PKD1: variants seen among roughly 807,000 people sequenced by gnomAD.
The protein encoded by PKD1 is polycystin 1, transient receptor potential channel interacting.
Under a neutral mutation model 361.7 loss-of-function variants are expected in PKD1, and 81 were observed. That is an observed-to-expected ratio of 0.22 (90% CI 0.19 to 0.27). The LOEUF is 0.27. Among genes scored for constraint, PKD1 ranks in the 10% least tolerant of loss-of-function variants. PKD1 has a pLI of 1.00. For synonymous variants in PKD1, 3,615 were observed against 2,818.3 expected (o/e 1.28, Z -8.95); for missense variants, 6,399 against 6,118.3 (o/e 1.05, Z -1.53).
chr16:2,123,072 G>A (rs4091470), intron 1 of PKD1, among the ~76,000 whole-genome samples: 1 of 152,182 alleles, frequency 6.6e-6, no homozygotes, highest in East Asian at 1.9e-4. Flanking sequence ...CCGGCTCCCC[G>A]CCCATCCCAC....
intron 1 of PKD1, among the ~76,000 whole-genome samples, chr16:2,130,737 GCC>G (rs893609108): frequency 3.1e-4 from 47 of 152,270 alleles, no homozygotes; most frequent in Admixed American, 5.2e-4. Flanking sequence ...CCAGGCAGGG[GCC>G]CCGGGGTCTG....
chr16:2,112,321 T>A lies in PKD1; in HGVS notation c.3295+19A>T, dbSNP rs2092535572. 1 of 1,582,216 alleles carries A rather than the reference T, an allele frequency of 6.3e-7. No individual in the cohort carries two copies. Among genetic ancestry groups the A allele is most frequent in the Non-Finnish European group, 8.5e-7 (1 of 1,170,768 alleles). On this transcript the variant is annotated intron_variant, in intron 14 of 45. Coordinates refer to ENST00000262304, the MANE Select transcript of PKD1 (RefSeq NM_001009944.3). Reference sequence around the variant, plus strand: ...CAGAGCCTGAAAGGCAGTGGCCCCCTCACCCCCTCATCCCTCACCTGGGGC... The same window carrying A: ...CAGAGCCTGAAAGGCAGTGGCCCCCACACCCCCTCATCCCTCACCTGGGGC...
chr16:2,110,455 G>A lies in PKD1; in HGVS notation c.4712C>T (p.Ser1571Leu), dbSNP rs1359114337. Residue 1571 changes from serine to leucine, a missense_variant, in exon 15 of 46, where the codon TCG becomes TTG. Coordinates refer to ENST00000262304, the MANE Select transcript of PKD1 (RefSeq NM_001009944.3). ...PLNGSVSFST[S>L]LEAGSDVRYS... is the part of the protein sequence containing the mutation. ...GCGCACATCACTGCCGGCCTCCAGCGACGTGCTGAAGCTCACGCTCCCATT... is the reference window on the plus strand; with the variant it reads ...GCGCACATCACTGCCGGCCTCCAGCAACGTGCTGAAGCTCACGCTCCCATT... 7.4e-6 allele frequency: 12 copies of A among 1,612,448 alleles called. No homozygotes were observed. The highest frequency in any genetic ancestry group is 1.7e-4 in the Middle Eastern group (1 of 6,054).
Position 2,110,030 on chromosome 16 carries a change from C to A in PKD1, c.5137G>T (p.Asp1713Tyr). 6.2e-7 allele frequency: 1 copy of A among 1,610,562 alleles called. No homozygotes were observed. ...AGCCACCCCACAGGCTCCACGAAGT[C>A]CATGGTGCAGTCGGCCCAGGCGCTG... is the stretch of plus-strand genomic sequence containing the variant. ...LGSAWADCTM[D>Y]FVEPVGWLMV... Residue 1713 changes from aspartate (D) to tyrosine (Y), a missense_variant, in exon 15 of 46, where the codon GAC becomes TAC. Coordinates refer to ENST00000262304, the MANE Select transcript of PKD1 (RefSeq NM_001009944.3).
chr16:2,125,243 G>C (rs1337208963), intron 1 of PKD1, among the ~76,000 whole-genome samples: 2 of 152,228 alleles, frequency 1.3e-5, no homozygotes, highest in African/African-American at 4.8e-5. Flanking sequence ...TGGGCAGATG[G>C]CTGCTGGCTC....
chr16:2,088,813 C>T lies in PKD1; in HGVS notation c.*914G>A, dbSNP rs950491593. 2 of 692,902 alleles carry T rather than the reference C, an allele frequency of 2.9e-6. No homozygotes were observed. The highest frequency in any genetic ancestry group is 1.9e-5 in the South Asian group (1 of 52,618). The allele number at this position is 692,902 out of a possible 1,614,324, so 42.9% of individuals were successfully genotyped here. On this transcript the variant is annotated 3_prime_UTR_variant, in exon 46 of 46. Coordinates refer to ENST00000262304, the MANE Select transcript of PKD1 (RefSeq NM_001009944.3). ...TGCCCACAGAAGTGGTACACAGAAG[C>T]AGGCACAGCCAGCTCCGAGGGCCTT...
At chr16:2,131,128 C>T (rs1369076298) in intron 1 of PKD1, among the ~76,000 whole-genome samples, 1 of 152,188 alleles carries the variant, frequency 6.6e-6, no homozygotes, top group African/African-American at 2.4e-5. Context: ...GTGGCACCCC[C>T]AAGACACAGC....
In PKD1 at chr16:2,116,863, G is replaced by A. The variant is rs1407191019; in HGVS notation, c.1576C>T (p.His526Tyr). Residue 526 changes from histidine (H) to tyrosine (Y), a missense_variant, in exon 7 of 46, where the codon CAC becomes TAC. By Grantham distance (83) the His-to-Tyr change is moderately conservative. Transcript: ENST00000262304. Reference sequence around the variant, plus strand: ...GGCTGCAGCTCGCAGACGTAGCTGTGCGGCGCTGAGCACAGGTCGGTGTTA... The same window carrying A: ...GGCTGCAGCTCGCAGACGTAGCTGTACGGCGCTGAGCACAGGTCGGTGTTA... ...WCNTDLCSAP[H>Y]SYVCELQPGG... 1.3e-6 allele frequency: 2 copies of A among 1,530,638 alleles called. No homozygotes were observed. The highest frequency in any genetic ancestry group is 1.8e-6 in the Non-Finnish European group (2 of 1,142,618). The allele number at this position is 1,530,638 out of a possible 1,614,324, so 94.8% of individuals were successfully genotyped here.
At chr16:2,115,887 G>A (rs2092625160) in intron 9 of PKD1, 105 bp downstream of exon 9, 11 of 1,318,714 alleles carry the variant, frequency 8.3e-6, no homozygotes, top group South Asian at 3.8e-5. Context: ...ACCTAAGACT[G>A]GGAACCACTC....
chr16:2,129,743 G>T (rs1308705581), intron 1 of PKD1, among the ~76,000 whole-genome samples: 1 of 150,992 alleles, frequency 6.6e-6, no homozygotes, highest in East Asian at 2.0e-4. Context: ...AGAGACCGGG[G>T]TCTCACCCTG....
chr16:2,089,033 C>T lies in PKD1; in HGVS notation c.*694G>A. On this transcript the variant is annotated 3_prime_UTR_variant, in exon 46 of 46. Transcript: ENST00000262304. Reference sequence around the variant, plus strand: ...AGCAGGCCTGGGCGCTGCTCTCTTGCTACCTGGCCTGGGGCAAGGGAGGAT... The same window carrying T: ...AGCAGGCCTGGGCGCTGCTCTCTTGTTACCTGGCCTGGGGCAAGGGAGGAT... 9.9e-6 allele frequency: 2 copies of T among 202,808 alleles called. No individual in the cohort carries two copies. The highest frequency in any genetic ancestry group is 1.8e-4 in the South Asian group (2 of 10,942). 12.6% of individuals were successfully genotyped at this position (202,808 alleles called of 1,614,324 possible).
At chr16:2,105,153 A>G (rs1322629244) in intron 21 of PKD1, among the ~76,000 whole-genome samples, 169 bp downstream of exon 21, 2 of 150,762 alleles carry the variant, frequency 1.3e-5, no homozygotes, top group Non-Finnish European at 3.0e-5. Context: ...CACACAGGAC[A>G]GAACGGCTGA....
Position 2,097,159 on chromosome 16 carries a change from C to T in PKD1, c.10488G>A (p.Leu3496=). The T allele has an allele frequency of 6.4e-7, 1 of 1,551,566 alleles. No individual in the cohort carries two copies. Among genetic ancestry groups the T allele is most frequent in the Non-Finnish European group, 8.7e-7 (1 of 1,147,590 alleles). ...AGCCGGACACTCACAGGCTGCTGAG[C>T]AGGTCCGTTTCCATGTGGGTGTCTT... ...PTQDTHMETD[L]LSSLSSTPGE... The change falls in exon 34 of 46, where the codon CTG becomes CTA. Residue 3496 remains leucine, a synonymous_variant. Transcript: ENST00000262304.
chr16:2,125,691 C>T (rs912099753), intron 1 of PKD1, among the ~76,000 whole-genome samples: 1 of 151,868 alleles, frequency 6.6e-6, no homozygotes, highest in African/African-American at 2.4e-5. Flanking sequence ...GGAAGGAGAG[C>T]GCTTCATACG....
intron 1 of PKD1, among the ~76,000 whole-genome samples, chr16:2,122,593 G>C (rs1289727056): frequency 6.6e-6 from 1 of 152,236 alleles, no homozygotes; most frequent in African/African-American, 2.4e-5. Context: ...CCAGCAAGAG[G>C]CCATTCTCGA....
At position 2,108,592 on chromosome 16, in the gene PKD1, G is replaced by C. The variant is rs919229409; in HGVS notation, c.6575C>G (p.Thr2192Ser). Residue 2192 changes from threonine to serine, a missense_variant, in exon 15 of 46, where the codon ACC (threonine) becomes AGC (serine). Transcript: ENST00000262304. ...QTEYRWEVYR[T>S]ASCQRPGRPA... is the part of the protein sequence containing the mutation. ...GCGCCCCGGCCGCTGGCAGCTGGCG[G>C]TGCGATACACCTCCCAGCGGTACTC... 5 of 1,558,198 alleles carry C rather than the reference G, an allele frequency of 3.2e-6. No individual in the cohort carries two copies. The African/African-American group carries it at 6.8e-5, about 21-fold the overall frequency.
chr16:2,091,746 G>A (rs764884125), intron 41 of PKD1, 35 bp downstream of exon 41: 2 of 1,606,382 alleles, frequency 1.2e-6, no homozygotes, highest in East Asian at 2.2e-5. Context: ...GGTGACTGCG[G>A]CCACCCCGGA....
chr16:2,114,462 T>C lies in PKD1; in HGVS notation c.2561A>G (p.Asn854Ser), dbSNP rs781312423. Residue 854 changes from asparagine (N) to serine (S), a missense_variant, in exon 11 of 46, where the codon AAC becomes AGC. Coordinates refer to ENST00000262304, the MANE Select transcript of PKD1 (RefSeq NM_001009944.3). ...ALVLQVDSGANATATARWPGG... is the reference protein window; with the variant it reads ...ALVLQVDSGASATATARWPGG... ...AGGCCAGCGAGCCGTGGCCGTGGCG[T>C]TGGCACCAGAGTCCACCTGGAGCAC... The C allele has an allele frequency of 1.5e-5, 24 of 1,597,500 alleles. No individual in the cohort carries two copies. Among genetic ancestry groups the C allele is most frequent in the East Asian group, 4.5e-5 (2 of 44,866 alleles).
intron 6 of PKD1, 109 bp downstream of exon 6, chr16:2,117,380 C>A (rs1331918811): frequency 2.7e-5 from 22 of 813,096 alleles, no homozygotes; most frequent in Non-Finnish European, 4.0e-5. Context: ...CTCACCAGGG[C>A]CGGCCCAGCT....
Sources: allele counts gnomAD v4.1 joint callset (sites outside exome capture counted in the v4.1 genomes callset), GRCh38; gene constraint gnomAD v4.1.1; transcripts MANE v1.5; gene names NCBI Gene and HGNC (gene_info 2026-07-23, HGNC 2026-07-21).